The following PCDHA6 variants were observed in gnomAD, a reference collection of about 807,000 sequenced individuals.
PCDHA6 encodes the protein protocadherin alpha 6.
Under a neutral mutation model 60.3 loss-of-function variants are expected in PCDHA6, and 55 were observed. The observed-to-expected ratio is 0.91, with a 90% CI of 0.73 to 1.14. The LOEUF (loss-of-function observed/expected upper bound fraction) is 1.14. PCDHA6 is among the 50% of genes most tolerant of loss of function. PCDHA6 has a pLI of 0.00. For synonymous variants in PCDHA6, 652 were observed against 557.9 expected (o/e 1.17, Z -2.38); for missense variants, 1,327 against 1,256.5 (o/e 1.06, Z -0.85).
intron 1 of PCDHA6, chr5:140,841,631 A>G (rs1256595237): frequency 6.2e-7 from 1 of 1,614,124 alleles, no homozygotes; most frequent in Non-Finnish European, 8.5e-7. Context: ...GGAGTGCAGC[A>G]TCCACCTGGA....
At chr5:140,967,692 G>A (rs781940460) in intron 1 of PCDHA6, 12 of 1,614,196 alleles carry the variant, frequency 7.4e-6, no homozygotes, top group South Asian at 1.1e-5. Flanking sequence ...CAGCTCTTCA[G>A]CATAGATGCC....
chr5:140,882,174 C>T (rs868925922), intron 1 of PCDHA6: 1 of 1,514,752 alleles, frequency 6.6e-7, no homozygotes. Context: ...CGAATCCTTC[C>T]GCACTAGGAA....
intron 1 of PCDHA6, among the ~76,000 whole-genome samples, chr5:140,832,065 T>C (rs2150199482): frequency 1.3e-3 from 196 of 152,372 alleles, no homozygotes; most frequent in African/African-American, 4.5e-3. Flanking sequence ...CAATTTAATC[T>C]GAGATGTCTC....
chr5:141,005,701 C>CAAAAAAAA (rs59860837), intron 3 of PCDHA6, among the ~76,000 whole-genome samples: 3 of 7,792 alleles, frequency 3.9e-4, no homozygotes, highest in East Asian at 6.4e-3. Flanking sequence ...AACTCCGTCT[C>CAAAAAAAA]AAAAAAAAAA....
Position 140,852,809 on chromosome 5 carries a change from C to T in PCDHA6, c.2394+22324C>T, listed in dbSNP as rs1429984533. 2.4e-5 allele frequency: 23 copies of T among 974,514 alleles called. 1 individual carries two copies. The highest frequency in any genetic ancestry group is 6.3e-5 in the Admixed American group (1 of 15,844). 60.4% of individuals were successfully genotyped at this position (974,514 alleles called of 1,614,324 possible). A position where few individuals can be genotyped will look rare whatever the true frequency, so the allele number is the denominator to read the frequency against. On this transcript the variant is annotated intron_variant, in intron 1 of 3. Transcript: ENST00000529310. Reference sequence around the variant, plus strand: ...GGATGCTACAGATGTCATTTGTCTCCCGCCCTAAGTCCTCCAGTCTCCTTA... The same window carrying T: ...GGATGCTACAGATGTCATTTGTCTCTCGCCCTAAGTCCTCCAGTCTCCTTA...
chr5:140,896,386 C>T (rs575002506), intron 1 of PCDHA6, among the ~76,000 whole-genome samples: 1 of 152,124 alleles, frequency 6.6e-6, no homozygotes, highest in African/African-American at 2.4e-5. Context: ...TGCAACCTCA[C>T]CAGCATCTGT....
At chr5:140,979,159 T>C in intron 2 of PCDHA6, 152 bp downstream of exon 2, 4 of 1,426,630 alleles carry the variant, frequency 2.8e-6, no homozygotes, top group Non-Finnish European at 3.7e-6. Flanking sequence ...CCATGTTTAT[T>C]CCTTGAAAGA....
At chr5:140,863,396 G>C (rs782335492) in intron 1 of PCDHA6, 1 of 872,572 alleles carries the variant, frequency 1.1e-6, no homozygotes, top group Non-Finnish European at 1.8e-6. Context: ...TGCATGCCGG[G>C]CAAGCCCACG....
intron 1 of PCDHA6, chr5:140,858,274 G>T: frequency 6.3e-7 from 1 of 1,597,416 alleles, no homozygotes; most frequent in Non-Finnish European, 8.6e-7. Flanking sequence ...GCTCTAGCGC[G>T]GTGGGGAGCT....
chr5:140,877,676 G>T (rs781985023), intron 1 of PCDHA6: 1 of 1,613,606 alleles, frequency 6.2e-7, no homozygotes, highest in South Asian at 1.1e-5. Context: ...TGCGCGCCGG[G>T]CAAGCCCACG....
At chr5:140,859,835 A>G (rs2046039280) in intron 1 of PCDHA6, 1 of 152,134 alleles carries the variant, frequency 6.6e-6, no homozygotes, top group South Asian at 2.1e-4. Context: ...TGTATTTGTT[A>G]TTTTATCAAA....
chr5:140,836,107 G>T, intron 1 of PCDHA6: 1 of 1,613,744 alleles, frequency 6.2e-7, no homozygotes, highest in Non-Finnish European at 8.5e-7. Context: ...GGCACTGGTG[G>T]CGCAGTGAGA....
At chr5:140,835,644 T>C (rs1554135160) in intron 1 of PCDHA6, 6 of 1,613,948 alleles carry the variant, frequency 3.7e-6, no homozygotes, top group Non-Finnish European at 4.2e-6. Flanking sequence ...TGTGTCCGCC[T>C]ATGAGCTGGT....
intron 1 of PCDHA6, chr5:140,967,008 A>C: frequency 6.2e-7 from 1 of 1,606,216 alleles, no homozygotes. Context: ...CGCATCAACC[A>C]TCTGGGTGCG....
chr5:140,969,783 A>G (rs1293806015), intron 1 of PCDHA6, among the ~76,000 whole-genome samples: 1 of 152,228 alleles, frequency 6.6e-6, no homozygotes, highest in Non-Finnish European at 1.5e-5. Context: ...GGGCTATCAT[A>G]GTCACCACTA....
At chr5:140,984,132 G>A (rs1395953013) in intron 3 of PCDHA6, among the ~76,000 whole-genome samples, 1 of 152,240 alleles carries the variant, frequency 6.6e-6, no homozygotes, top group African/African-American at 2.4e-5. Context: ...GTTGCAGGAT[G>A]TGGAGGCATC....
chr5:140,838,286 T>TC (rs2150151139), intron 1 of PCDHA6, among the ~76,000 whole-genome samples: 1 of 149,632 alleles, frequency 6.7e-6, no homozygotes, highest in African/African-American at 2.5e-5. Context: ...GCTAATTTTT[T>TC]TTTTTTTTTG....
intron 1 of PCDHA6, chr5:140,835,471 C>G: frequency 6.2e-7 from 1 of 1,613,934 alleles, no homozygotes. Context: ...CCAGAGGACG[C>G]CCAACCAGGT....
chr5:140,849,028 T>G lies in PCDHA6; in HGVS notation c.2394+18543T>G, dbSNP rs2040749628. 5.1e-6 allele frequency: 8 copies of G among 1,583,910 alleles called. No homozygotes were observed. The highest frequency in any genetic ancestry group is 1.4e-5 in the African/African-American group (1 of 70,832). Reference sequence around the variant, plus strand: ...TACAGACTGAGCCCCAATGAGTATTTCTTCCTGGACGTGCCAACCAGCAAC... The same window carrying G: ...TACAGACTGAGCCCCAATGAGTATTGCTTCCTGGACGTGCCAACCAGCAAC... On this transcript the variant is annotated intron_variant, in intron 1 of 3. Transcript: ENST00000529310.
Sources: allele counts gnomAD v4.1 joint callset (sites outside exome capture counted in the v4.1 genomes callset), GRCh38; gene constraint gnomAD v4.1.1; transcripts MANE v1.5; gene names NCBI Gene and HGNC (gene_info 2026-07-23, HGNC 2026-07-21).